Variants in EMCN observed in about 807,000 individuals in gnomAD.
EMCN encodes the protein endomucin.
A neutral mutation model predicts 38.4 loss-of-function variants in EMCN; 37 were observed. That is an observed-to-expected ratio of 0.96 (90% CI 0.74 to 1.27). The LOEUF is 1.27. EMCN is among the 50% of genes most tolerant of loss of function. The pLI, the probability that EMCN is intolerant of heterozygous loss-of-function variation, is 0.00. For missense variants in EMCN, 318 were observed against 302.8 expected (o/e 1.05, Z -0.37); for synonymous variants, 95 against 100.8 (o/e 0.94, Z 0.35).
chr4:100,448,114 C>G (rs1338275374), intron 4 of EMCN, among the ~76,000 whole-genome samples: 2 of 152,012 alleles, frequency 1.3e-5, no homozygotes, highest in African/African-American at 4.8e-5. Flanking sequence ...GTGGAAGAAG[C>G]AGCAAAGTTC....
chr4:100,422,692 C>T (rs1236475966), intron 7 of EMCN, among the ~76,000 whole-genome samples: 1 of 151,894 alleles, frequency 6.6e-6, no homozygotes, highest in Non-Finnish European at 1.5e-5. Flanking sequence ...TGCATTTTGA[C>T]TTATCTGAAA....
Position 100,397,631 on chromosome 4 carries a change from T to A in EMCN, c.*782A>T, listed in dbSNP as rs1293847460. The A allele has an allele frequency of 6.6e-6, 1 of 152,118 alleles. No individual in the cohort carries two copies. Among genetic ancestry groups the A allele is most frequent in the Non-Finnish European group, 1.5e-5 (1 of 68,006 alleles). The allele number at this position is 152,118 out of a possible 1,614,324, so 9.4% of individuals were successfully genotyped here. On this transcript the variant is annotated 3_prime_UTR_variant, in exon 12 of 12. Coordinates refer to ENST00000296420, the MANE Select transcript of EMCN (RefSeq NM_016242.4). ...TTACATCTTCATCACATAGTATGAA[T>A]GACAAATAGAAAGACCAAAGAACTG... is the stretch of plus-strand genomic sequence containing the variant.
intron 5 of EMCN, among the ~76,000 whole-genome samples, chr4:100,440,758 G>A (rs939362548): frequency 7.9e-5 from 12 of 151,982 alleles, no homozygotes; most frequent in South Asian, 6.2e-4. Flanking sequence ...TTAATATGAC[G>A]ACTTCTTTTC....
chr4:100,413,733 G>A (rs957215330), intron 10 of EMCN, among the ~76,000 whole-genome samples: 4 of 152,126 alleles, frequency 2.6e-5, no homozygotes, highest in African/African-American at 9.7e-5. Flanking sequence ...CCCTTTGAGA[G>A]GTTATTTTGG....
At chr4:100,415,860 A>T in intron 10 of EMCN, 38 bp downstream of exon 10, 2 of 1,392,172 alleles carry the variant, frequency 1.4e-6, no homozygotes, top group Non-Finnish European at 2.0e-6. Flanking sequence ...ATTCTAAAAT[A>T]ACTAATTTTC....
At chr4:100,502,636 T>C (rs1268653169) in intron 1 of EMCN, among the ~76,000 whole-genome samples, 5 of 152,214 alleles carry the variant, frequency 3.3e-5, no homozygotes, top group Non-Finnish European at 7.4e-5. Flanking sequence ...TTTATAAAAG[T>C]AGAATTGTTG....
At chr4:100,506,196 C>T (rs568297225) in intron 1 of EMCN, among the ~76,000 whole-genome samples, 82 of 152,070 alleles carry the variant, frequency 5.4e-4, no homozygotes, top group Admixed American at 9.2e-4. Flanking sequence ...TAAAAGCAAT[C>T]ATCTTTATGA....
At chr4:100,482,507 A>T (rs1157828322) in intron 1 of EMCN, among the ~76,000 whole-genome samples, 1 of 152,180 alleles carries the variant, frequency 6.6e-6, no homozygotes, top group Non-Finnish European at 1.5e-5. Flanking sequence ...TAATATATCC[A>T]TGCAGGGAGA....
chr4:100,485,614 A>T (rs1432212035), intron 1 of EMCN, among the ~76,000 whole-genome samples: 1 of 151,560 alleles, frequency 6.6e-6, no homozygotes, highest in African/African-American at 2.4e-5. Context: ...ATAAAAATAT[A>T]ATAAAATATA....
rs1357666805 is a variant in EMCN, at chr4:100,517,868, C to T, written c.47G>A (p.Cys16Tyr). 1 of 1,612,778 alleles carries T rather than the reference C, an allele frequency of 6.2e-7. No individual in the cohort carries two copies. The highest frequency in any genetic ancestry group is 8.5e-7 in the Non-Finnish European group (1 of 1,179,020). Reference sequence around the variant, plus strand: ...AAAAATACCTGTGCTGTTACTGCTGCAAATACTGGGCAGAAGAAAAAGAAT... The same window carrying T: ...AAAAATACCTGTGCTGTTACTGCTGTAAATACTGGGCAGAAGAAAAAGAAT... ...VTILFLLPSI[C>Y]SSNSTGVLEA... The change falls in exon 1 of 12, where the codon TGC (cysteine) becomes TAC (tyrosine). Residue 16 changes from cysteine to tyrosine, a missense_variant. By Grantham distance (194) the Cys-to-Tyr change is radical. Transcript: ENST00000296420.
At chr4:100,414,893 T>G (rs1295259022) in intron 10 of EMCN, among the ~76,000 whole-genome samples, 1 of 152,040 alleles carries the variant, frequency 6.6e-6, no homozygotes, top group Non-Finnish European at 1.5e-5. Flanking sequence ...ACCCACATGG[T>G]TTTTTATATC....
intron 3 of EMCN, among the ~76,000 whole-genome samples, chr4:100,466,351 G>A (rs1199243883): frequency 6.6e-6 from 1 of 152,170 alleles, no homozygotes; most frequent in Non-Finnish European, 1.5e-5. Context: ...CTAACACAGA[G>A]TAGAATGGAG....
At chr4:100,489,243 G>A (rs1216050644) in intron 1 of EMCN, among the ~76,000 whole-genome samples, 1 of 152,114 alleles carries the variant, frequency 6.6e-6, no homozygotes, top group Non-Finnish European at 1.5e-5. Context: ...GTATTCCCAT[G>A]CTACTACTTT....
At chr4:100,489,451 C>T (rs1251300854) in intron 1 of EMCN, among the ~76,000 whole-genome samples, 1 of 152,110 alleles carries the variant, frequency 6.6e-6, no homozygotes, top group Admixed American at 6.5e-5. Context: ...TGACACATAA[C>T]ACCATTTCAG....
intron 4 of EMCN, among the ~76,000 whole-genome samples, chr4:100,450,883 A>G (rs1727820408): frequency 6.6e-6 from 1 of 151,894 alleles, no homozygotes; most frequent in Non-Finnish European, 1.5e-5. Context: ...GAGAGATTCT[A>G]TAAGGTAGTA....
chr4:100,499,591 T>G (rs537127618), intron 1 of EMCN, among the ~76,000 whole-genome samples: 2 of 152,220 alleles, frequency 1.3e-5, no homozygotes, highest in Non-Finnish European at 2.9e-5. Context: ...TAGTCTATCT[T>G]AAGCACCAAG....
In EMCN at chr4:100,479,910, A is replaced by G; in HGVS notation, c.187+7T>C. ...GTTAAACTAAATTTACTAACAGTTAATCCTACCTTTAGGAGTTGTTCCAGT... is the reference window on the plus strand; with the variant it reads ...GTTAAACTAAATTTACTAACAGTTAGTCCTACCTTTAGGAGTTGTTCCAGT... On this transcript the variant is annotated splice_region_variant and intron_variant, in intron 2 of 11. Transcript: ENST00000296420. The G allele has an allele frequency of 6.2e-7, 1 of 1,601,768 alleles. No homozygotes were observed. Among genetic ancestry groups the G allele is most frequent in the Non-Finnish European group, 8.5e-7 (1 of 1,175,544 alleles).
intron 7 of EMCN, among the ~76,000 whole-genome samples, 187 bp from the exon 8 acceptor site, chr4:100,421,564 T>C (rs1004012011): frequency 6.6e-6 from 1 of 152,058 alleles, no homozygotes. Flanking sequence ...ACATAACCAC[T>C]TGATGTCAGT....
Position 100,502,427 on chromosome 4 carries a change from T to TG in EMCN, c.64+15423dup, listed in dbSNP as rs1424085315. ...AGGCCGCCCTAGAAAAAAAATGATT[T>TG]GGGGGCTGCTTTTAATTAAAGGAAA... On this transcript the variant is annotated intron_variant, in intron 1 of 11. Transcript: ENST00000296420. Among the ~76,000 whole-genome samples the TG allele has an allele frequency of 7.2e-5, 11 of 152,330 alleles. No individual in the cohort carries two copies. In the East Asian group the frequency reaches 2.1e-3, roughly 29 times the overall value.
Sources: gnomAD v4.1 joint callset for allele counts (sites outside exome capture counted in the v4.1 genomes callset) on GRCh38, gnomAD v4.1.1 for gene constraint, MANE v1.5 for transcripts, NCBI Gene and HGNC (gene_info 2026-07-23, HGNC 2026-07-21) for gene names.